The following ZNF267 variants were observed in gnomAD, a reference collection of about 807,000 sequenced individuals.
ZNF267 encodes zinc finger (C2H2).
ZNF267 carries 61 observed loss-of-function variants against 71.6 expected under a neutral mutation model. The observed-to-expected ratio is 0.85, with a 90% CI of 0.69 to 1.05. The LOEUF is 1.05. Ranked by LOEUF, ZNF267 falls within the 50% of genes least tolerant of loss-of-function variation. ZNF267 has a pLI of 0.00. For missense variants in ZNF267, 852 were observed against 870.0 expected (o/e 0.98, Z 0.26); for synonymous variants, 288 against 293.2 (o/e 0.98, Z 0.18).
At chr16:31,913,439 C>A (rs1596631874) in intron 3 of ZNF267, 1 of 152,324 alleles carries the variant, frequency 6.6e-6, no homozygotes, top group South Asian at 2.1e-4. Flanking sequence ...ACCCAAGGCC[C>A]AGTGTAATTA....
chr16:31,900,463 G>C (rs1019165276), intron 3 of ZNF267, among the ~76,000 whole-genome samples: 1 of 151,522 alleles, frequency 6.6e-6, no homozygotes, highest in African/African-American at 2.4e-5. Flanking sequence ...TTTTTTTCCT[G>C]AAACGGAGTC....
chr16:31,912,278 T>G (rs2084141327), intron 3 of ZNF267: 1 of 151,718 alleles, frequency 6.6e-6, no homozygotes, highest in Non-Finnish European at 1.5e-5. Context: ...AAGGTCATTT[T>G]TTTCTCCTTC....
intron 3 of ZNF267, among the ~76,000 whole-genome samples, chr16:31,886,264 C>CT (rs1157638352): frequency 6.6e-6 from 1 of 152,162 alleles, no homozygotes; most frequent in East Asian, 1.9e-4. Flanking sequence ...GGTGAGAACT[C>CT]TTAAGATGTA....
chr16:31,881,071 AATT>A (rs2083886679), intron 1 of ZNF267, among the ~76,000 whole-genome samples: 1 of 152,098 alleles, frequency 6.6e-6, no homozygotes, highest in African/African-American at 2.4e-5. Flanking sequence ...TTGTTATTAT[AATT>A]ATTATTTATA....
chr16:31,900,679 C>T (rs190319328), intron 3 of ZNF267, among the ~76,000 whole-genome samples: 15 of 150,764 alleles, frequency 9.9e-5, no homozygotes, highest in African/African-American at 2.9e-4. Context: ...CTCCTGACCT[C>T]GTGATCCACC....
chr16:31,884,467 A>G (rs569602831), intron 1 of ZNF267, 31 bp from the exon 2 acceptor site: 28 of 1,613,650 alleles, frequency 1.7e-5, no homozygotes, highest in African/African-American at 5.3e-5. Context: ...CCATGGCCAC[A>G]TGGTCAGTGT....
At chr16:31,894,627 A>G in intron 3 of ZNF267, 1 of 486,188 alleles carries the variant, frequency 2.1e-6, no homozygotes, top group Admixed American at 2.4e-5. Context: ...TCAGCACTTC[A>G]GCTTCGCTGG....
intron 3 of ZNF267, among the ~76,000 whole-genome samples, chr16:31,895,441 C>G (rs1375245418): frequency 6.6e-6 from 1 of 152,160 alleles, no homozygotes; most frequent in Non-Finnish European, 1.5e-5. Context: ...ATGCAGATAT[C>G]TTTGTCAAAC....
At chr16:31,903,588 G>C (rs2084060704) in intron 3 of ZNF267, among the ~76,000 whole-genome samples, 1 of 152,174 alleles carries the variant, frequency 6.6e-6, no homozygotes, top group South Asian at 2.1e-4. Flanking sequence ...GGTGTTTATA[G>C]TATTCTCTGA....
intron 3 of ZNF267, chr16:31,912,469 TTTATTCTTAA>T (rs1263897331): frequency 6.6e-6 from 1 of 151,706 alleles, no homozygotes; most frequent in Admixed American, 6.6e-5. Context: ...TTTAGGATCC[TTTATTCTTAA>T]TTTTTGGGAG....
chr16:31,889,073 T>C (rs1157479074), intron 3 of ZNF267, among the ~76,000 whole-genome samples: 1 of 151,962 alleles, frequency 6.6e-6, no homozygotes, highest in Non-Finnish European at 1.5e-5. Flanking sequence ...TTTTTTGTTA[T>C]GTAATTGTTC....
intron 3 of ZNF267, among the ~76,000 whole-genome samples, chr16:31,890,671 G>A (rs970659447): frequency 2.0e-5 from 3 of 152,202 alleles, no homozygotes; most frequent in African/African-American, 4.8e-5. Flanking sequence ...CAAAGAAAAC[G>A]ACATTGTTAT....
At chr16:31,880,264 C>T (rs146745518) in intron 1 of ZNF267, among the ~76,000 whole-genome samples, 1 of 152,194 alleles carries the variant, frequency 6.6e-6, no homozygotes, top group Non-Finnish European at 1.5e-5. Context: ...TACAGCAGTT[C>T]TGTGAGTGGT....
At chr16:31,909,120 CTTTTTTTTTTT>C (rs34409182) in intron 3 of ZNF267, among the ~76,000 whole-genome samples, 10 of 45,322 alleles carry the variant, frequency 2.2e-4, no homozygotes, top group African/African-American at 4.3e-4. Context: ...CTTTTCTTTT[CTTTTTTTTTTT>C]TTTTTTTTTT....
chr16:31,904,747 A>G (rs1486298452), intron 3 of ZNF267, among the ~76,000 whole-genome samples: 1 of 152,158 alleles, frequency 6.6e-6, no homozygotes, highest in Non-Finnish European at 1.5e-5. Context: ...CCAATTTGCC[A>G]GTCTGTGTCT....
intron 3 of ZNF267, among the ~76,000 whole-genome samples, chr16:31,911,302 T>C (rs898291938): frequency 6.6e-5 from 10 of 151,714 alleles, no homozygotes; most frequent in Admixed American, 3.3e-4. Context: ...ATTATTGTAT[T>C]GGGGCCTCTC....
At chr16:31,887,195 A>G (rs372771733) in intron 3 of ZNF267, among the ~76,000 whole-genome samples, 1 of 150,840 alleles carries the variant, frequency 6.6e-6, no homozygotes, top group Admixed American at 6.6e-5. Flanking sequence ...TGCCACTTCC[A>G]TGTCATATTT....
chr16:31,876,838 G>C (rs1417318050), intron 1 of ZNF267, among the ~76,000 whole-genome samples: 1 of 152,218 alleles, frequency 6.6e-6, no homozygotes, highest in African/African-American at 2.4e-5. Context: ...CCTGCAAGAA[G>C]AGGTCACTGA....
chr16:31,881,119 A>G (rs2083886998), intron 1 of ZNF267, among the ~76,000 whole-genome samples: 1 of 152,194 alleles, frequency 6.6e-6, no homozygotes, highest in Non-Finnish European at 1.5e-5. Context: ...TTATGTAGCT[A>G]CTAATATAAT....
Sources: allele counts gnomAD v4.1 joint callset (sites outside exome capture counted in the v4.1 genomes callset), GRCh38; gene constraint gnomAD v4.1.1; transcripts MANE v1.5; gene names NCBI Gene and HGNC (gene_info 2026-07-23, HGNC 2026-07-21).